Variants in BCL2 observed in about 807,000 individuals in gnomAD.
BCL2 encodes the protein BCL2 apoptosis regulator.
A neutral mutation model predicts 14.2 loss-of-function variants in BCL2; 1 was observed. That is an observed-to-expected ratio of 0.07 (90% CI 0.02 to 0.33). The LOEUF is 0.33. Among genes scored for constraint, BCL2 ranks in the 10% least tolerant of loss-of-function variants. The pLI, the probability that BCL2 is intolerant of heterozygous loss-of-function variation, is 0.99. For missense variants in BCL2, 247 were observed against 305.9 expected, an observed-to-expected ratio of 0.81 and a Z score of 1.44; for synonymous variants, 151 against 137.2, an observed-to-expected ratio of 1.10 and a Z score of -0.70.
chr18:63,304,802 G>A (rs1568264419), intron 2 of BCL2, among the ~76,000 whole-genome samples: 1 of 151,986 alleles, frequency 6.6e-6, no homozygotes, highest in Non-Finnish European at 1.5e-5. Flanking sequence ...CTACACTTAC[G>A]GGCACTTCCG....
At chr18:63,141,180 A>T (rs1451650576) in intron 2 of BCL2, among the ~76,000 whole-genome samples, 1 of 152,160 alleles carries the variant, frequency 6.6e-6, no homozygotes, top group Admixed American at 6.5e-5. Context: ...TCTCCGCTCT[A>T]CCATCTGGGC....
rs1380052921 is a variant in BCL2 at position 63,126,843 on chromosome 18, C to T, written c.*1782G>A. 1 of 228,356 alleles carries T rather than the reference C, an allele frequency of 4.4e-6. No individual in the cohort carries two copies. The highest frequency in any genetic ancestry group is 6.3e-5 in the East Asian group (1 of 15,914). 14.1% of individuals were successfully genotyped at this position (228,356 alleles called of 1,614,324 possible). A position where few individuals can be genotyped will look rare whatever the true frequency, so the allele number is the denominator to read the frequency against. ...TTAAAGCAGCTTTCGAAATATCAAC[C>T]ACAGCATTAAACATTGAACAGAGTA... On this transcript the variant is annotated 3_prime_UTR_variant, in exon 3 of 3. Transcript: ENST00000333681.
At chr18:63,202,556 A>C (rs1909724846) in intron 2 of BCL2, among the ~76,000 whole-genome samples, 1 of 152,166 alleles carries the variant, frequency 6.6e-6, no homozygotes, top group Non-Finnish European at 1.5e-5. Flanking sequence ...TTCTACTTGT[A>C]AAAGACACGC....
chr18:63,134,187 T>C (rs1914148113), intron 2 of BCL2, among the ~76,000 whole-genome samples: 1 of 152,228 alleles, frequency 6.6e-6, no homozygotes. Context: ...TATTCTGATT[T>C]TTTTCCTTAG....
chr18:63,130,185 T>C (rs772665472), intron 2 of BCL2, among the ~76,000 whole-genome samples: 5 of 152,252 alleles, frequency 3.3e-5, no homozygotes, highest in African/African-American at 4.8e-5. Flanking sequence ...TTTGAATATA[T>C]AAATCAGTAA....
rs1174403385 is a variant in BCL2 at position 63,200,556 on chromosome 18, GAC to G, written c.586-71799_586-71798del. Among the ~76,000 whole-genome samples the G allele has an allele frequency of 2.6e-5, 4 of 152,208 alleles. 1 individual carries two copies. The highest frequency in any genetic ancestry group is 2.6e-4 in the Admixed American group (4 of 15,282). On this transcript the variant is annotated intron_variant, in intron 2 of 2. Coordinates refer to ENST00000333681, the MANE Select transcript of BCL2 (RefSeq NM_000633.3). ...TTTCTCCCTACACTCCCGCGTATAA[GAC>G]AGTCAAGAGCCAAAAATGATAGAGT...
Position 63,124,704 on chromosome 18 carries a change from A to G in BCL2, c.*3921T>C. On this transcript the variant is annotated 3_prime_UTR_variant, in exon 3 of 3. Coordinates refer to ENST00000333681, the MANE Select transcript of BCL2 (RefSeq NM_000633.3). ...CAATAAAGATCTGATTGGAACCTTC[A>G]TAAGCTTGACAATGTAGAATTGTAT... 4.3e-6 allele frequency: 1 copy of G among 229,952 alleles called. No individual in the cohort carries two copies. Among genetic ancestry groups the G allele is most frequent in the Non-Finnish European group, 8.6e-6 (1 of 115,680 alleles). The allele number at this position is 229,952 out of a possible 1,614,324, so 14.2% of individuals were successfully genotyped here.
intron 2 of BCL2, among the ~76,000 whole-genome samples, chr18:63,289,551 G>A (rs2144266125): frequency 6.6e-6 from 1 of 152,054 alleles, no homozygotes; most frequent in Non-Finnish European, 1.5e-5. Context: ...ATGGAGAGAG[G>A]AATTTGAACA....
At chr18:63,301,176 T>A (rs1452716025) in intron 2 of BCL2, among the ~76,000 whole-genome samples, 6 of 152,084 alleles carry the variant, frequency 3.9e-5, no homozygotes, top group Non-Finnish European at 5.9e-5. Context: ...AGAGTCAAAT[T>A]TATAGAGACA....
intron 2 of BCL2, among the ~76,000 whole-genome samples, chr18:63,238,396 A>G (rs1247535415): frequency 1.3e-5 from 2 of 152,208 alleles, no homozygotes; most frequent in African/African-American, 2.4e-5. Context: ...GATAATCAGT[A>G]ATTTAATCTC....
chr18:63,241,827 T>G (rs1911010703), intron 2 of BCL2, among the ~76,000 whole-genome samples: 1 of 152,236 alleles, frequency 6.6e-6, no homozygotes, highest in Admixed American at 6.5e-5. Context: ...CACCCGTCAT[T>G]ACTCTTGTCT....
chr18:63,307,397 C>A (rs899380140), intron 2 of BCL2, among the ~76,000 whole-genome samples: 1 of 152,202 alleles, frequency 6.6e-6, no homozygotes, highest in Admixed American at 6.5e-5. Flanking sequence ...ATTAACCAGA[C>A]AAAGCATTTT....
At chr18:63,279,484 C>T (rs1040315494) in intron 2 of BCL2, among the ~76,000 whole-genome samples, 2 of 152,244 alleles carry the variant, frequency 1.3e-5, no homozygotes, top group African/African-American at 4.8e-5. Context: ...CTCCTGTGAA[C>T]ATGCCAGAAT....
chr18:63,246,534 A>G (rs550609624), intron 2 of BCL2, among the ~76,000 whole-genome samples: 6 of 152,184 alleles, frequency 3.9e-5, no homozygotes, highest in Non-Finnish European at 8.8e-5. Flanking sequence ...CATGAGACTT[A>G]TTCATTATCA....
intron 2 of BCL2, among the ~76,000 whole-genome samples, chr18:63,157,864 G>A (rs1004806266): frequency 2.6e-4 from 39 of 152,260 alleles, no homozygotes; most frequent in African/African-American, 9.1e-4. Flanking sequence ...GCACCTGTCC[G>A]GTTTCAGAGT....
At chr18:63,289,669 G>A (rs1276761683) in intron 2 of BCL2, among the ~76,000 whole-genome samples, 2 of 152,146 alleles carry the variant, frequency 1.3e-5, no homozygotes, top group African/African-American at 4.8e-5. Context: ...CAAGGCAGGT[G>A]GATCACTTGA....
intron 2 of BCL2, among the ~76,000 whole-genome samples, chr18:63,160,404 G>A (rs577247946): frequency 6.6e-6 from 1 of 152,268 alleles, no homozygotes; most frequent in East Asian, 1.9e-4. Context: ...TTCTGGTTTT[G>A]TTCTTTAGGC....
chr18:63,306,325 T>A (rs1349232254), intron 2 of BCL2, among the ~76,000 whole-genome samples: 3 of 152,240 alleles, frequency 2.0e-5, no homozygotes, highest in Admixed American at 2.0e-4. Context: ...AGGCACTTGA[T>A]CTCTTGCCCG....
chr18:63,212,726 A>G (rs1163403136), intron 2 of BCL2, among the ~76,000 whole-genome samples: 2 of 152,140 alleles, frequency 1.3e-5, no homozygotes, highest in African/African-American at 2.4e-5. Context: ...AATATAAAAA[A>G]TTAGCCAGTC....
Sources: gnomAD v4.1 joint callset for allele counts (sites outside exome capture counted in the v4.1 genomes callset) on GRCh38, gnomAD v4.1.1 for gene constraint, MANE v1.5 for transcripts, NCBI Gene and HGNC (gene_info 2026-07-23, HGNC 2026-07-21) for gene names.